TPRG1: variants seen among roughly 807,000 people sequenced by gnomAD.
The protein encoded by TPRG1 is tumor protein p63-regulated gene 1 protein.
A neutral mutation model predicts 29.3 loss-of-function variants in TPRG1; 29 were observed. The ratio of observed to expected loss-of-function variants is 0.99; its 90% CI spans 0.74 to 1.35. TPRG1 has a LOEUF of 1.35. Among genes scored for constraint, TPRG1 ranks in the 40% most tolerant of loss-of-function variants. The pLI, the probability that TPRG1 is intolerant of heterozygous loss-of-function variation, is 0.00. For synonymous variants in TPRG1, 130 were observed against 116.8 expected (o/e 1.11, Z -0.73); for missense variants, 327 against 335.0 (o/e 0.98, Z 0.19).
At position 189,312,105 on chromosome 3, in the gene TPRG1, G is replaced by GTTTCTTTCTTTCTTTGTTTCTTTC. The variant is rs1209208448; in HGVS notation, c.633+1577_633+1578insCTTTGTTTCTTTCTTTCTTTCTTT. Among the ~76,000 whole-genome samples the GTTTCTTTCTTTCTTTGTTTCTTTC allele has an allele frequency of 2.5e-4, 18 of 70,906 alleles. 4 individuals carry two copies. The highest frequency in any genetic ancestry group is 1.0e-3 in the African/African-American group (17 of 16,582). 46.5% of individuals were successfully genotyped at this position (70,906 alleles called of 152,430 possible). On this transcript the variant is annotated intron_variant, in intron 5 of 5. Transcript: ENST00000345063. ...TGTTTCTTTCTTTCTTTGTTTCTTT[G>GTTTCTTTCTTTCTTTGTTTCTTTC]TTTCTTTCTTTGTTTCTTTCTTTCT...
intron 3 of TPRG1, among the ~76,000 whole-genome samples, chr3:189,013,148 G>A (rs1712692877): frequency 6.6e-6 from 1 of 151,956 alleles, no homozygotes; most frequent in African/African-American, 2.4e-5. Flanking sequence ...TTTTGATGTG[G>A]GCATTTGGTG....
chr3:189,308,192 T>TGATTCA (rs71169039), intron 4 of TPRG1, among the ~76,000 whole-genome samples: 43,802 of 151,562 alleles, frequency 0.29, 6,670 homozygotes, highest in Middle Eastern at 0.36. Context: ...GAAAGAGAAA[T>TGATTCA]GATTCAGATT....
At chr3:189,186,851 C>G (rs1352369580) in intron 1 of TPRG1, among the ~76,000 whole-genome samples, 1 of 152,132 alleles carries the variant, frequency 6.6e-6, no homozygotes, top group African/African-American at 2.4e-5. Flanking sequence ...TCCCCACTAT[C>G]GCTAGATTTC....
At chr3:189,095,126 A>G (rs574609485), upstream of TPRG1, among the ~76,000 whole-genome samples, 10 of 152,234 alleles carry the variant, frequency 6.6e-5, no homozygotes, top group Admixed American at 5.9e-4. Context: ...AGGTGAAACA[A>G]AGACTTGATC....
chr3:189,305,678 C>T (rs1721514955), intron 4 of TPRG1, among the ~76,000 whole-genome samples: 1 of 152,154 alleles, frequency 6.6e-6, no homozygotes, highest in South Asian at 2.1e-4. Context: ...ATTAACATGA[C>T]TAAAGTAAGA....
chr3:189,261,447 A>G (rs1713032437), intron 4 of TPRG1, among the ~76,000 whole-genome samples: 1 of 152,078 alleles, frequency 6.6e-6, no homozygotes, highest in East Asian at 1.9e-4. Context: ...CATTGACTTA[A>G]TAATCTGCCC....
At chr3:189,210,611 T>G (rs1735113811) in intron 2 of TPRG1, among the ~76,000 whole-genome samples, 1 of 152,210 alleles carries the variant, frequency 6.6e-6, no homozygotes, top group Admixed American at 6.5e-5. Context: ...ATATTCTAGA[T>G]TTCCACAAAG....
intron 3 of TPRG1, among the ~76,000 whole-genome samples, chr3:189,146,996 G>T (rs748045853): frequency 4.6e-5 from 7 of 152,084 alleles, no homozygotes; most frequent in Middle Eastern, 3.2e-3. Context: ...TCCCCTCTGG[G>T]GTCCACATGT....
At chr3:189,038,111 A>C (rs1714392341) in intron 4 of TPRG1, among the ~76,000 whole-genome samples, 1 of 151,946 alleles carries the variant, frequency 6.6e-6, no homozygotes, top group Admixed American at 6.6e-5. Flanking sequence ...TTGGAAGAGC[A>C]AAAAGGAATA....
chr3:189,144,483 G>A (rs115746272), intron 3 of TPRG1, among the ~76,000 whole-genome samples: 193 of 152,316 alleles, frequency 1.3e-3, no homozygotes, highest in African/African-American at 4.5e-3. Context: ...GTCAAACTGA[G>A]CATTAAAATA....
At chr3:189,113,913 TATAATA>T (rs924729669) in intron 1 of TPRG1, among the ~76,000 whole-genome samples, 16 of 134,086 alleles carry the variant, frequency 1.2e-4, no homozygotes, top group Non-Finnish European at 1.8e-4. Flanking sequence ...AAACTTAAAG[TATAATA>T]ATAATAAAAT....
chr3:189,009,620 T>G (rs987406074), intron 3 of TPRG1, among the ~76,000 whole-genome samples: 1 of 152,118 alleles, frequency 6.6e-6, no homozygotes, highest in Non-Finnish European at 1.5e-5. Context: ...ACTAAAATCA[T>G]CTCATAATCT....
At chr3:189,073,307 A>G (rs1309534469) in intron 4 of TPRG1, among the ~76,000 whole-genome samples, 2 of 152,192 alleles carry the variant, frequency 1.3e-5, no homozygotes, top group African/African-American at 4.8e-5. Flanking sequence ...TTCCAGGGAT[A>G]TCTGTATATT....
chr3:189,053,835 G>C (rs1220778663), intron 4 of TPRG1, among the ~76,000 whole-genome samples: 1 of 152,184 alleles, frequency 6.6e-6, no homozygotes, highest in East Asian at 1.9e-4. Flanking sequence ...AGGAGAGTTA[G>C]GTCATCGCCC....
upstream of TPRG1, among the ~76,000 whole-genome samples, chr3:189,167,950 T>A (rs937574252): frequency 4.6e-5 from 7 of 152,170 alleles, no homozygotes; most frequent in African/African-American, 1.7e-4. Context: ...AGTGGCAGAA[T>A]GGGAACTAAA....
chr3:189,030,029 C>T (rs935219425), intron 4 of TPRG1, among the ~76,000 whole-genome samples: 6 of 152,186 alleles, frequency 3.9e-5, no homozygotes, highest in African/African-American at 1.4e-4. Flanking sequence ...TTCTTTATAG[C>T]AACACGAAGA....
chr3:189,266,475 G>A (rs900324990), intron 4 of TPRG1, among the ~76,000 whole-genome samples: 31 of 152,238 alleles, frequency 2.0e-4, no homozygotes, highest in African/African-American at 7.0e-4. Context: ...ACAAACTAAC[G>A]GAGAGCTGGA....
chr3:189,133,497 C>T (rs1315549827), intron 3 of TPRG1, among the ~76,000 whole-genome samples: 1 of 152,032 alleles, frequency 6.6e-6, no homozygotes, highest in Non-Finnish European at 1.5e-5. Context: ...GGTGGTTTCC[C>T]CCATGCTGGT....
intron 3 of TPRG1, chr3:189,219,718 A>G (rs1028411206): frequency 1.4e-5 from 17 of 1,254,820 alleles, no homozygotes; most frequent in African/African-American, 1.3e-4. Context: ...AGGAGACAGC[A>G]TCTTCCCTCC....
Sources: allele counts gnomAD v4.1 joint callset (sites outside exome capture counted in the v4.1 genomes callset), GRCh38; gene constraint gnomAD v4.1.1; transcripts MANE v1.5; gene names NCBI Gene and HGNC (gene_info 2026-07-23, HGNC 2026-07-21).